The following ATRNL1 variants were observed in gnomAD, a reference collection of about 807,000 sequenced individuals.
ATRNL1 encodes the protein attractin-like protein 1.
In ATRNL1, 95 loss-of-function variants were observed where a neutral mutation model predicts 182.7. The observed-to-expected ratio is 0.52, with a 90% CI of 0.44 to 0.62. The LOEUF (loss-of-function observed/expected upper bound fraction) is 0.62, where lower values mean the gene tolerates loss of function less well. Among genes scored for constraint, ATRNL1 ranks in the 20% least tolerant of loss-of-function variants. The pLI is 0.00. For synonymous variants in ATRNL1, 576 were observed against 568.3 expected (o/e 1.01, Z -0.19); for missense variants, 1,471 against 1,679.5 (o/e 0.88, Z 2.17).
In ATRNL1 at chr10:115,805,251, G is replaced by A. The variant is rs565695400; in HGVS notation, c.3904-42626G>A. Among the ~76,000 whole-genome samples, 3 of 152,176 alleles carry A rather than the reference G, an allele frequency of 2.0e-5. No homozygotes were observed. The South Asian group carries it at 6.2e-4, about 32-fold the overall frequency. ...TTGCCTGTCCCAAAAGAGGCCATTC[G>A]GAGGTTATTCTTGGATGATTCACTC... On this transcript the variant is annotated intron_variant, in intron 27 of 28. Coordinates refer to ENST00000355044, the MANE Select transcript of ATRNL1 (RefSeq NM_207303.4).
At chr10:115,130,744 T>G (rs1409723975) in intron 5 of ATRNL1, among the ~76,000 whole-genome samples, 1 of 152,212 alleles carries the variant, frequency 6.6e-6, no homozygotes, top group East Asian at 1.9e-4. Flanking sequence ...GAAACTAAAA[T>G]AACTGTCTTT....
intron 26 of ATRNL1, among the ~76,000 whole-genome samples, chr10:115,716,066 A>G (rs1947240748): frequency 6.6e-6 from 1 of 152,236 alleles, no homozygotes; most frequent in Non-Finnish European, 1.5e-5. Flanking sequence ...TAAAAAATTC[A>G]AACAATTGAA....
At position 115,093,477 on chromosome 10, in the gene ATRNL1, G is replaced by T; in HGVS notation, c.-274G>T. 1 of 603,952 alleles carries T rather than the reference G, an allele frequency of 1.7e-6. No homozygotes were observed. Among genetic ancestry groups the T allele is most frequent in the East Asian group, 3.9e-5 (1 of 25,750 alleles). The allele number at this position is 603,952 out of a possible 1,614,324, so 37.4% of individuals were successfully genotyped here. Reference sequence around the variant, plus strand: ...TCTGCGCCTCCCGCTCCCCGCCTCCGGCCGGGTCCGGGACGCCGCGGCTGT... The same window carrying T: ...TCTGCGCCTCCCGCTCCCCGCCTCCTGCCGGGTCCGGGACGCCGCGGCTGT... On this transcript the variant is annotated 5_prime_UTR_variant, in exon 1 of 29. Coordinates refer to ENST00000355044, the MANE Select transcript of ATRNL1 (RefSeq NM_207303.4). This position sits in a 1 kb window ranked among gnomAD's most constrained non-coding sequence, Gnocchi z 6.1.
chr10:115,556,878 G>T (rs1181899751), intron 26 of ATRNL1, among the ~76,000 whole-genome samples: 1 of 150,832 alleles, frequency 6.6e-6, no homozygotes, highest in South Asian at 2.1e-4. Context: ...GTGTGTGTGC[G>T]TGTGTGTATC....
intron 26 of ATRNL1, among the ~76,000 whole-genome samples, chr10:115,664,457 A>G (rs1210926976): frequency 1.3e-5 from 2 of 152,182 alleles, no homozygotes; most frequent in African/African-American, 2.4e-5. Flanking sequence ...TGAATAATAT[A>G]TATGTGAAAA....
intron 28 of ATRNL1, among the ~76,000 whole-genome samples, chr10:115,917,281 A>G (rs536488559): frequency 6.6e-6 from 1 of 152,126 alleles, no homozygotes; most frequent in Non-Finnish European, 1.5e-5. Flanking sequence ...CCTGGCTAAC[A>G]CAGTGAAACC....
chr10:115,928,143 A>G (rs1304214523), intron 28 of ATRNL1, among the ~76,000 whole-genome samples: 1 of 152,068 alleles, frequency 6.6e-6, no homozygotes, highest in Non-Finnish European at 1.5e-5. Context: ...CATTTTGCTT[A>G]AAGAATGCTA....
At chr10:115,108,548 A>G (rs1401307801) in intron 1 of ATRNL1, among the ~76,000 whole-genome samples, 1 of 152,200 alleles carries the variant, frequency 6.6e-6, no homozygotes, top group Non-Finnish European at 1.5e-5. Context: ...TGAAGTTTAC[A>G]TAGTGCATGG....
chr10:115,869,551 C>T (rs1421375663), intron 28 of ATRNL1, among the ~76,000 whole-genome samples: 1 of 152,120 alleles, frequency 6.6e-6, no homozygotes, highest in African/African-American at 2.4e-5. Context: ...TTCTCTTCTA[C>T]TGTTCATTTC....
intron 5 of ATRNL1, among the ~76,000 whole-genome samples, chr10:115,139,628 T>A (rs1845676080): frequency 6.6e-6 from 1 of 152,184 alleles, no homozygotes; most frequent in South Asian, 2.1e-4. Flanking sequence ...GTCCCTTCCA[T>A]AACGTGGGAA....
At chr10:115,494,505 G>T (rs1460760267) in intron 24 of ATRNL1, among the ~76,000 whole-genome samples, 1 of 152,098 alleles carries the variant, frequency 6.6e-6, no homozygotes, top group Non-Finnish European at 1.5e-5. Context: ...GTTATTTCAA[G>T]GTATGTTCCT....
chr10:115,328,545 A>G (rs1192485082), intron 18 of ATRNL1, among the ~76,000 whole-genome samples: 2 of 152,022 alleles, frequency 1.3e-5, no homozygotes, highest in Non-Finnish European at 2.9e-5. Flanking sequence ...TATGTGTAAT[A>G]TTGTATGCAT....
At chr10:115,174,032 AT>A (rs1372915802) in intron 8 of ATRNL1, among the ~76,000 whole-genome samples, 1 of 147,978 alleles carries the variant, frequency 6.8e-6, no homozygotes, top group Non-Finnish European at 1.5e-5. Context: ...ACTTTATTTT[AT>A]TTTTTTGTGG....
At chr10:115,562,543 G>A (rs1483203301) in intron 26 of ATRNL1, among the ~76,000 whole-genome samples, 3 of 152,104 alleles carry the variant, frequency 2.0e-5, no homozygotes, top group African/African-American at 7.2e-5. Flanking sequence ...ATCTTGAATT[G>A]TAGTTCCCAT....
intron 24 of ATRNL1, among the ~76,000 whole-genome samples, chr10:115,480,207 A>AACACACACAC (rs72119794): frequency 1.9e-3 from 283 of 146,750 alleles, no homozygotes; most frequent in African/African-American, 6.7e-3. Context: ...GAGTCATTTG[A>AACACACACAC]ACACACACAC....
intron 26 of ATRNL1, chr10:115,597,590 G>A: frequency 4.0e-6 from 1 of 247,958 alleles, no homozygotes; most frequent in Non-Finnish European, 7.1e-6. Flanking sequence ...TTTTTTTTTG[G>A]AGACAGAGTC....
intron 5 of ATRNL1, among the ~76,000 whole-genome samples, chr10:115,131,755 T>C (rs1554875239): frequency 6.6e-6 from 1 of 152,208 alleles, no homozygotes; most frequent in East Asian, 1.9e-4. Flanking sequence ...GAGTAACAGA[T>C]TGTTGTTACC....
At chr10:115,248,112 C>T (rs531011971) in intron 10 of ATRNL1, among the ~76,000 whole-genome samples, 2 of 152,096 alleles carry the variant, frequency 1.3e-5, no homozygotes, top group South Asian at 4.2e-4. Context: ...TGTTCTATAC[C>T]AGTGTAAGAT....
At chr10:115,904,814 A>T in intron 28 of ATRNL1, among the ~76,000 whole-genome samples, 1 of 152,230 alleles carries the variant, frequency 6.6e-6, no homozygotes, top group East Asian at 1.9e-4. Context: ...AAGTCCAAAG[A>T]ACATAAAGTC....
Sources: gnomAD v4.1 joint callset for allele counts (sites outside exome capture counted in the v4.1 genomes callset) on GRCh38, gnomAD v4.1.1 for gene constraint, Gnocchi (gnomAD v3.1) non-coding constraint, MANE v1.5 for transcripts, NCBI Gene and HGNC (gene_info 2026-07-23, HGNC 2026-07-21) for gene names.